The following KHDRBS2 variants were observed in gnomAD, a reference collection of about 807,000 sequenced individuals.
KHDRBS2 encodes KH domain-containing, RNA-binding, signal transduction-associated protein 2.
A neutral mutation model predicts 44.3 loss-of-function variants in KHDRBS2; 26 were observed. That is an observed-to-expected ratio of 0.59 (90% confidence interval 0.43 to 0.81). KHDRBS2 has a LOEUF of 0.81. Ranked by LOEUF, KHDRBS2 falls within the 40% of genes least tolerant of loss-of-function variation. The probability of loss-of-function intolerance (pLI) is 0.00; values close to 1 mark genes in which losing one functional copy is unlikely to be tolerated. For synonymous variants in KHDRBS2, 194 were observed against 151.1 expected (o/e 1.28, Z -2.08); for missense variants, 476 against 433.1 (o/e 1.10, Z -0.88).
At chr6:62,070,903 A>G (rs1362968317) in intron 2 of KHDRBS2, among the ~76,000 whole-genome samples, 2 of 152,160 alleles carry the variant, frequency 1.3e-5, no homozygotes, top group Admixed American at 6.5e-5. Context: ...TAGATCCTTG[A>G]GGAATGGCCA....
At chr6:62,240,719 A>C (rs1412475657) in intron 1 of KHDRBS2, among the ~76,000 whole-genome samples, 3 of 93,222 alleles carry the variant, frequency 3.2e-5, no homozygotes, top group Non-Finnish European at 4.5e-5. Flanking sequence ...TATATATATA[A>C]ACATGAGTTC....
chr6:61,813,784 C>A (rs1788484451), intron 6 of KHDRBS2, among the ~76,000 whole-genome samples: 1 of 152,028 alleles, frequency 6.6e-6, no homozygotes, highest in Non-Finnish European at 1.5e-5. Flanking sequence ...AACTCATTGT[C>A]TGGAATAAAC....
intron 7 of KHDRBS2, among the ~76,000 whole-genome samples, chr6:61,732,107 T>C (rs1244481635): frequency 6.6e-6 from 1 of 152,104 alleles, no homozygotes; most frequent in African/African-American, 2.4e-5. Flanking sequence ...GTATTCTAAA[T>C]GGGTAAAGTT....
rs76488601 is a variant in KHDRBS2 at position 62,174,120 on chromosome 6, T to C, written c.219+3065A>G. ...AATAGAAAGGGAGAAAGCCAAACTATCCTTATTTTCAGATGATATGATACT... is the reference window on the plus strand; with the variant it reads ...AATAGAAAGGGAGAAAGCCAAACTACCCTTATTTTCAGATGATATGATACT... On this transcript the variant is annotated intron_variant, in intron 2 of 8. Transcript: ENST00000281156. 2.7e-3 allele frequency among the ~76,000 whole-genome samples: 412 copies of C among 151,874 alleles called. 1 individual carries two copies. Among genetic ancestry groups the C allele is most frequent in the African/African-American group, 9.6e-3 (398 of 41,460 alleles).
At chr6:61,617,647 T>C in the KHDRBS2 span, among the ~76,000 whole-genome samples, 1 of 151,440 alleles carries the variant, frequency 6.6e-6, no homozygotes, top group East Asian at 1.9e-4. Context: ...ATTTTTTTTA[T>C]CTATTTTGAG....
chr6:61,766,906 TGAG>T (rs796999195), intron 6 of KHDRBS2, among the ~76,000 whole-genome samples: 123 of 152,232 alleles, frequency 8.1e-4, no homozygotes, highest in African/African-American at 3.0e-3. Flanking sequence ...ATCAATGTGC[TGAG>T]GAGAAGAATG....
intron 6 of KHDRBS2, among the ~76,000 whole-genome samples, chr6:61,756,335 T>A (rs7747534): frequency 6.6e-6 from 1 of 151,886 alleles, no homozygotes; most frequent in Non-Finnish European, 1.5e-5. Flanking sequence ...TGGCTCACTG[T>A]AACCACCAGC....
At chr6:61,592,273 C>T in the KHDRBS2 span, among the ~76,000 whole-genome samples, 5 of 148,244 alleles carry the variant, frequency 3.4e-5, no homozygotes, top group Non-Finnish European at 7.4e-5. Context: ...GGAAGTCATA[C>T]AAAATATGAA....
intron 2 of KHDRBS2, among the ~76,000 whole-genome samples, chr6:62,102,774 C>G (rs910212453): frequency 3.3e-5 from 5 of 152,158 alleles, no homozygotes; most frequent in African/African-American, 1.2e-4. Flanking sequence ...CCACTCTTCA[C>G]TCCTGCAATC....
chr6:62,050,597 C>G (rs1288223297), intron 2 of KHDRBS2, among the ~76,000 whole-genome samples: 2 of 151,918 alleles, frequency 1.3e-5, no homozygotes, highest in Non-Finnish European at 2.9e-5. Context: ...ATCTCACACA[C>G]ACACACATAT....
rs557635416 is a variant in KHDRBS2 at position 61,702,665 on chromosome 6, G to A, written c.894-5412C>T. Among the ~76,000 whole-genome samples, 3 of 152,036 alleles carry A rather than the reference G, an allele frequency of 2.0e-5. 1 individual carries two copies. The South Asian group carries it at 6.2e-4, about 32-fold the overall frequency. On this transcript the variant is annotated intron_variant, in intron 7 of 8. Coordinates refer to ENST00000281156, the MANE Select transcript of KHDRBS2 (RefSeq NM_152688.4). ...AATTTGTTTATAGAACTTTGTGTAT[G>A]CTTTAGCGGGATGTCCACTTATATT... is the stretch of plus-strand genomic sequence containing the variant.
intron 1 of KHDRBS2, among the ~76,000 whole-genome samples, chr6:62,283,507 A>G (rs1309891689): frequency 1.3e-5 from 2 of 152,012 alleles, no homozygotes; most frequent in African/African-American, 2.4e-5. Context: ...CATTTTTACT[A>G]CTCACTCAGG....
At chr6:61,936,278 C>T (rs1299705052) in intron 4 of KHDRBS2, among the ~76,000 whole-genome samples, 1 of 151,976 alleles carries the variant, frequency 6.6e-6, no homozygotes, top group African/African-American at 2.4e-5. Context: ...TTGGGAAATA[C>T]ATGTTTTGTT....
the KHDRBS2 span, among the ~76,000 whole-genome samples, chr6:61,606,168 C>T: frequency 0.012 from 1,791 of 152,254 alleles, 36 homozygotes; most frequent in African/African-American, 0.041. Context: ...TATCTCCCTT[C>T]GCTGAGTCTC....
intron 6 of KHDRBS2, among the ~76,000 whole-genome samples, chr6:61,772,964 C>G (rs893537635): frequency 5.9e-5 from 9 of 152,006 alleles, no homozygotes; most frequent in Non-Finnish European, 1.3e-4. Flanking sequence ...TACAAAGGAC[C>G]TGAACTCATC....
the KHDRBS2 span, among the ~76,000 whole-genome samples, chr6:61,543,368 C>T: frequency 6.6e-6 from 1 of 151,836 alleles, no homozygotes; most frequent in Non-Finnish European, 1.5e-5. Context: ...AGGTGCTCAT[C>T]AATGATCATT....
chr6:62,122,308 G>A (rs953132404), intron 2 of KHDRBS2, among the ~76,000 whole-genome samples: 12 of 152,178 alleles, frequency 7.9e-5, no homozygotes, highest in South Asian at 2.1e-4. Context: ...TCCTCCTTTC[G>A]ACATGCACCT....
At chr6:62,005,161 G>A (rs1016740430) in intron 3 of KHDRBS2, among the ~76,000 whole-genome samples, 3 of 151,946 alleles carry the variant, frequency 2.0e-5, no homozygotes, top group Non-Finnish European at 4.4e-5. Context: ...AATCAGTTGA[G>A]TTATGTCTGC....
chr6:62,248,994 A>G (rs1388724472), intron 1 of KHDRBS2, among the ~76,000 whole-genome samples: 1 of 152,150 alleles, frequency 6.6e-6, no homozygotes, highest in Non-Finnish European at 1.5e-5. Flanking sequence ...TTGGATAAAT[A>G]ATTCTTTACA....
Sources: allele counts gnomAD v4.1 joint callset (sites outside exome capture counted in the v4.1 genomes callset), GRCh38; gene constraint gnomAD v4.1.1; transcripts MANE v1.5; gene names NCBI Gene and HGNC (gene_info 2026-07-23, HGNC 2026-07-21).